The following ADARB2 variants were observed in gnomAD, a reference collection of about 807,000 sequenced individuals.
The protein encoded by ADARB2 is inactive double-stranded RNA-specific editase B2.
In ADARB2, 25 loss-of-function variants were observed where a neutral mutation model predicts 62.2. That is an observed-to-expected ratio of 0.40 (90% CI 0.29 to 0.56). The LOEUF is 0.56. Among genes scored for constraint, ADARB2 ranks in the 20% least tolerant of loss-of-function variants. The pLI, the probability that ADARB2 is intolerant of heterozygous loss-of-function variation, is 0.43. For missense variants in ADARB2, 1,071 were observed against 1,077.4 expected, an observed-to-expected ratio of 0.99 and a Z score of 0.08; for synonymous variants, 572 against 500.8, an observed-to-expected ratio of 1.14 and a Z score of -1.90.
intron 1 of ADARB2, among the ~76,000 whole-genome samples, chr10:1,554,948 C>T (rs1171817910): frequency 6.6e-6 from 1 of 152,158 alleles, no homozygotes; most frequent in Non-Finnish European, 1.5e-5. Context: ...CAATGTTTAC[C>T]TCCCACTTAC....
intron 1 of ADARB2, among the ~76,000 whole-genome samples, chr10:1,533,281 G>C (rs1397304704): frequency 8.1e-6 from 1 of 123,236 alleles, no homozygotes; most frequent in African/African-American, 2.7e-5. Flanking sequence ...ACCATGCCTG[G>C]CTCATTCTTT....
chr10:1,262,394 A>G (rs894054878), intron 4 of ADARB2, among the ~76,000 whole-genome samples: 3 of 151,842 alleles, frequency 2.0e-5, no homozygotes, highest in Admixed American at 6.6e-5. Context: ...TCATGTGACA[A>G]AGGGCTAATA....
chr10:1,505,391 T>TG (rs1367648010), intron 1 of ADARB2, among the ~76,000 whole-genome samples: 10 of 151,964 alleles, frequency 6.6e-5, no homozygotes, highest in African/African-American at 2.4e-4. Context: ...TGTTTTTTTT[T>TG]TTTTTGCAAC....
chr10:1,525,372 A>T (rs1232807965), intron 1 of ADARB2, among the ~76,000 whole-genome samples: 1 of 152,218 alleles, frequency 6.6e-6, no homozygotes, highest in African/African-American at 2.4e-5. Context: ...AGTGGATCTG[A>T]AATCTAAAAT....
chr10:1,561,885 C>G (rs1832790532), intron 1 of ADARB2, among the ~76,000 whole-genome samples: 1 of 152,234 alleles, frequency 6.6e-6, no homozygotes, highest in Admixed American at 6.5e-5. Flanking sequence ...CCACTCTTGC[C>G]CATGCAACCA....
chr10:1,302,357 A>G (rs55638667), intron 3 of ADARB2, among the ~76,000 whole-genome samples: 67,673 of 149,816 alleles, frequency 0.45, 16,080 homozygotes, highest in East Asian at 0.78. Context: ...ATTATATCCC[A>G]CACCTGGCTC....
intron 1 of ADARB2, among the ~76,000 whole-genome samples, chr10:1,710,117 G>A (rs940870865): frequency 6.6e-6 from 1 of 152,208 alleles, no homozygotes; most frequent in African/African-American, 2.4e-5. Flanking sequence ...AGCGGAAAGG[G>A]TGGCTTTAGG....
At chr10:1,574,033 G>C (rs1012544558) in intron 1 of ADARB2, among the ~76,000 whole-genome samples, 1 of 152,186 alleles carries the variant, frequency 6.6e-6, no homozygotes, top group Non-Finnish European at 1.5e-5. Flanking sequence ...ATTTTTTGAA[G>C]ATCAAAGTGT....
At chr10:1,646,412 A>G (rs952097376) in intron 1 of ADARB2, among the ~76,000 whole-genome samples, 3 of 152,260 alleles carry the variant, frequency 2.0e-5, no homozygotes, top group Non-Finnish European at 2.9e-5. Context: ...ATCCACAAAC[A>G]ATGAACAGTG....
At chr10:1,699,442 A>G (rs368404270) in intron 1 of ADARB2, among the ~76,000 whole-genome samples, 5 of 5,442 alleles carry the variant, frequency 9.2e-4, no homozygotes, top group South Asian at 0.018. Flanking sequence ...GAGACCGGGC[A>G]CTCGCCAATA....
chr10:1,360,740 C>G (rs1001463080), intron 3 of ADARB2, among the ~76,000 whole-genome samples: 4 of 152,320 alleles, frequency 2.6e-5, no homozygotes, highest in Admixed American at 2.6e-4. Flanking sequence ...TCGCGCTGCT[C>G]TGCGCCCTTC....
At chr10:1,559,732 C>G (rs12252328) in intron 1 of ADARB2, among the ~76,000 whole-genome samples, 35,629 of 152,164 alleles carry the variant, frequency 0.23, 4,386 homozygotes, top group African/African-American at 0.27. Context: ...GATGATTTTA[C>G]ACATTTTAAG....
At chr10:1,535,282 T>C (rs1331900604) in intron 1 of ADARB2, among the ~76,000 whole-genome samples, 1 of 152,078 alleles carries the variant, frequency 6.6e-6, no homozygotes, top group Non-Finnish European at 1.5e-5. Flanking sequence ...GGAGAATCCA[T>C]CCCAGCTGCT....
At chr10:1,602,015 C>A (rs2064757447) in intron 1 of ADARB2, among the ~76,000 whole-genome samples, 1 of 152,106 alleles carries the variant, frequency 6.6e-6, no homozygotes, top group South Asian at 2.1e-4. Flanking sequence ...TTGGAAGCCA[C>A]TGGCAGGAGG....
At chr10:1,461,969 T>C (rs1265132060) in intron 1 of ADARB2, among the ~76,000 whole-genome samples, 2 of 152,200 alleles carry the variant, frequency 1.3e-5, no homozygotes. Context: ...ACCACTGCAC[T>C]CCAGCCTGGG....
chr10:1,504,338 C>T (rs1310391579), intron 1 of ADARB2, among the ~76,000 whole-genome samples: 1 of 152,252 alleles, frequency 6.6e-6, no homozygotes, highest in African/African-American at 2.4e-5. Flanking sequence ...ATGAAGCCAA[C>T]ACTTTCATTT....
At chr10:1,451,599 CCTGTATAA>C (rs1831039515) in intron 1 of ADARB2, among the ~76,000 whole-genome samples, 1 of 151,362 alleles carries the variant, frequency 6.6e-6, no homozygotes, top group African/African-American at 2.4e-5. Context: ...GAGGGGCTCA[CCTGTATAA>C]GGAGGGGACA....
chr10:1,493,394 T>C lies in ADARB2; in HGVS notation c.101-114234A>G, dbSNP rs191814536. On this transcript the variant is annotated intron_variant, in intron 1 of 9. Transcript: ENST00000381312. ...TATTTTTGTATTAAGTAGATATAGT[T>C]TAGTTTCAGACCATGATAGATTCAG... Among the ~76,000 whole-genome samples, 627 of 152,302 alleles carry C rather than the reference T, an allele frequency of 4.1e-3. 5 individuals carry two copies. Among genetic ancestry groups the C allele is most frequent in the African/African-American group, 0.014 (601 of 41,566 alleles).
intron 1 of ADARB2, among the ~76,000 whole-genome samples, chr10:1,475,896 G>C (rs182024159): frequency 2.2e-4 from 34 of 152,324 alleles, no homozygotes; most frequent in Non-Finnish European, 4.3e-4. Context: ...CTAGGCCACA[G>C]AGGATGGTTT....
Sources: gnomAD v4.1 joint callset for allele counts (sites outside exome capture counted in the v4.1 genomes callset) on GRCh38, gnomAD v4.1.1 for gene constraint, MANE v1.5 for transcripts, NCBI Gene and HGNC (gene_info 2026-07-23, HGNC 2026-07-21) for gene names.